Variants in COL19A1 observed in about 807,000 individuals in gnomAD.
COL19A1 encodes the protein collagen type XIX alpha 1 chain.
A neutral mutation model predicts 190.2 loss-of-function variants in COL19A1; 159 were observed. The observed-to-expected ratio is 0.84, with a 90% CI of 0.73 to 0.95. COL19A1 has a LOEUF of 0.95. Ranked by LOEUF, COL19A1 falls within the 40% of genes least tolerant of loss-of-function variation. The pLI is 0.00. For synonymous variants in COL19A1, 509 were observed against 458.9 expected (o/e 1.11, Z -1.39); for missense variants, 1,418 against 1,431.9 (o/e 0.99, Z 0.16).
chr6:70,074,305 C>G (rs1184974575), intron 15 of COL19A1, among the ~76,000 whole-genome samples: 2 of 151,960 alleles, frequency 1.3e-5, no homozygotes, highest in East Asian at 3.9e-4. Flanking sequence ...TCAAGACCAG[C>G]CTGGCCAACA....
intron 15 of COL19A1, 24 bp from the exon 16 acceptor site, chr6:70,102,145 C>A: frequency 1.3e-6 from 2 of 1,595,510 alleles, no homozygotes; most frequent in Non-Finnish European, 1.7e-6. Context: ...CAGTATTTAT[C>A]ATCTATTCTT....
At position 70,047,342 on chromosome 6, in the gene COL19A1, T is replaced by A. The variant is rs570755691; in HGVS notation, c.1170+11403T>A. 2.6e-5 allele frequency among the ~76,000 whole-genome samples: 4 copies of A among 152,202 alleles called. No homozygotes were observed. The East Asian group carries it at 7.7e-4, about 29-fold the overall frequency. ...GCAGATATACGTGAGCTAAAACCAA[T>A]GCTGAATAAGAAAAATGTGTTTATC... On this transcript the variant is annotated intron_variant, in intron 14 of 50. Coordinates refer to ENST00000620364, the MANE Select transcript of COL19A1 (RefSeq NM_001858.6).
intron 2 of COL19A1, among the ~76,000 whole-genome samples, chr6:69,887,021 G>C (rs766688367): frequency 6.6e-6 from 1 of 151,976 alleles, no homozygotes; most frequent in Non-Finnish European, 1.5e-5. Flanking sequence ...TTTTATAAAG[G>C]CTTTTAGTGT....
At chr6:70,186,155 G>A (rs1349492238) in intron 46 of COL19A1, among the ~76,000 whole-genome samples, 1 of 151,742 alleles carries the variant, frequency 6.6e-6, no homozygotes, top group Non-Finnish European at 1.5e-5. Context: ...TCTACTATTT[G>A]ACCATACCTT....
intron 8 of COL19A1, among the ~76,000 whole-genome samples, chr6:69,937,829 G>A (rs780348388): frequency 1.3e-5 from 2 of 152,128 alleles, no homozygotes; most frequent in African/African-American, 4.8e-5. Flanking sequence ...ATGCTAAATG[G>A]TGTTTGGAAG....
intron 46 of COL19A1, among the ~76,000 whole-genome samples, 193 bp downstream of exon 46, chr6:70,185,108 T>A (rs1468197079): frequency 2.0e-5 from 3 of 152,238 alleles, no homozygotes; most frequent in Admixed American, 2.0e-4. Flanking sequence ...GGTACATCTA[T>A]GTAGTTGGCC....
intron 9 of COL19A1, among the ~76,000 whole-genome samples, chr6:69,948,682 G>T (rs761815398): frequency 3.3e-4 from 50 of 151,762 alleles, no homozygotes; most frequent in Non-Finnish European, 8.8e-5. Context: ...TTAGGGCAAC[G>T]TGAAGGAACT....
At chr6:70,136,708 T>C (rs1443282199) in intron 18 of COL19A1, among the ~76,000 whole-genome samples, 2 of 152,196 alleles carry the variant, frequency 1.3e-5, no homozygotes, top group Non-Finnish European at 2.9e-5. Flanking sequence ...ATTTCTTCTT[T>C]GTAAATTTTT....
At position 69,866,616 on chromosome 6, in the gene COL19A1, T is replaced by G. The variant is rs908689398; in HGVS notation, c.-57T>G. On this transcript the variant is annotated 5_prime_UTR_variant, in exon 1 of 51. Coordinates refer to ENST00000620364, the MANE Select transcript of COL19A1 (RefSeq NM_001858.6). ...CCCTGTCCGGACTCCACTGCGCCTC[T>G]GAGGGGCTCAAATACGAATTCAAGG... is the stretch of plus-strand genomic sequence containing the variant. 6.6e-6 allele frequency: 1 copy of G among 152,326 alleles called. No individual in the cohort carries two copies. The highest frequency in any genetic ancestry group is 1.5e-5 in the Non-Finnish European group (1 of 68,128). The allele number at this position is 152,326 out of a possible 1,614,324, so 9.4% of individuals were successfully genotyped here.
At chr6:69,950,570 A>G (rs1774065681) in intron 9 of COL19A1, among the ~76,000 whole-genome samples, 1 of 151,532 alleles carries the variant, frequency 6.6e-6, no homozygotes. Flanking sequence ...GACTTCTGGT[A>G]AGCTTGGATG....
intron 11 of COL19A1, among the ~76,000 whole-genome samples, chr6:69,977,065 A>T (rs951222048): frequency 1.3e-5 from 2 of 152,202 alleles, no homozygotes; most frequent in Non-Finnish European, 2.9e-5. Flanking sequence ...ATTACTGGGT[A>T]TATACTCAAA....
chr6:70,067,017 A>C (rs930027309), intron 14 of COL19A1, among the ~76,000 whole-genome samples: 2 of 152,158 alleles, frequency 1.3e-5, no homozygotes, highest in Middle Eastern at 3.2e-3. Flanking sequence ...TGATGAATAA[A>C]ATATAGATTC....
chr6:70,059,952 A>T (rs1321883624), intron 14 of COL19A1, among the ~76,000 whole-genome samples: 1 of 152,202 alleles, frequency 6.6e-6, no homozygotes, highest in African/African-American at 2.4e-5. Flanking sequence ...GGCTATGCAA[A>T]TGTGTGGTGT....
At chr6:70,077,524 A>G (rs1204548346) in intron 15 of COL19A1, among the ~76,000 whole-genome samples, 1 of 152,190 alleles carries the variant, frequency 6.6e-6, no homozygotes, top group East Asian at 1.9e-4. Context: ...AATATGTCCA[A>G]CACAAACATA....
At chr6:70,129,308 CAGAG>C (rs1346381083) in intron 17 of COL19A1, among the ~76,000 whole-genome samples, 1 of 152,108 alleles carries the variant, frequency 6.6e-6, no homozygotes, top group Non-Finnish European at 1.5e-5. Flanking sequence ...GGTAGGTAGT[CAGAG>C]AGAGAAAGAG....
At position 70,212,010 on chromosome 6, in the gene COL19A1, A is replaced by G. The variant is rs1454673552; in HGVS notation, c.*4736A>G. 6.6e-6 allele frequency among the ~76,000 whole-genome samples: 1 copy of G among 152,202 alleles called. No homozygotes were observed. The highest frequency in any genetic ancestry group is 2.4e-5 in the African/African-American group (1 of 41,468). On this transcript the variant is annotated 3_prime_UTR_variant, in exon 51 of 51. Transcript: ENST00000620364. ...GAATTTGTCAAAAGTGAATACTAAT[A>G]AAGTGGGAGGCTTCACTAAATGAGG... is the stretch of plus-strand genomic sequence containing the variant.
chr6:69,899,452 C>A (rs972665799), intron 3 of COL19A1, among the ~76,000 whole-genome samples: 1 of 151,874 alleles, frequency 6.6e-6, no homozygotes, highest in Non-Finnish European at 1.5e-5. Flanking sequence ...CATGCCCGAC[C>A]CATAAAAATT....
At chr6:69,995,267 C>T (rs3805982) in intron 11 of COL19A1, among the ~76,000 whole-genome samples, 7,466 of 152,226 alleles carry the variant, frequency 0.049, 227 homozygotes, top group Admixed American at 0.098. Context: ...ATGAATGTCT[C>T]CTTTATCCCT....
intron 12 of COL19A1, among the ~76,000 whole-genome samples, chr6:70,029,037 A>G (rs986379205): frequency 6.6e-6 from 1 of 152,144 alleles, no homozygotes; most frequent in African/African-American, 2.4e-5. Context: ...TATTAGAATT[A>G]CAGCATCTGA....
Sources: gnomAD v4.1 joint callset for allele counts (sites outside exome capture counted in the v4.1 genomes callset) on GRCh38, gnomAD v4.1.1 for gene constraint, MANE v1.5 for transcripts, NCBI Gene and HGNC (gene_info 2026-07-23, HGNC 2026-07-21) for gene names.